The following KCNH8 variants were observed in gnomAD, a reference collection of about 807,000 sequenced individuals.
KCNH8 encodes the protein potassium voltage-gated channel subfamily H member 8.
A neutral mutation model predicts 103.6 loss-of-function variants in KCNH8; 70 were observed. The observed-to-expected ratio is 0.68, with a 90% CI of 0.56 to 0.82. The LOEUF is 0.82. Ranked by LOEUF, KCNH8 falls within the 40% of genes least tolerant of loss-of-function variation. The pLI is 0.00. For missense variants in KCNH8, 1,217 were observed against 1,329.9 expected, an observed-to-expected ratio of 0.92 and a Z score of 1.32; for synonymous variants, 498 against 489.4, an observed-to-expected ratio of 1.02 and a Z score of -0.23.
At chr3:19,302,680 A>G (rs1296911137) in intron 3 of KCNH8, among the ~76,000 whole-genome samples, 1 of 152,170 alleles carries the variant, frequency 6.6e-6, no homozygotes, top group East Asian at 1.9e-4. Flanking sequence ...TTCTCTTCTG[A>G]ATAAACTACA....
intron 11 of KCNH8, among the ~76,000 whole-genome samples, chr3:19,479,135 C>T (rs1334159874): frequency 6.6e-6 from 1 of 152,106 alleles, no homozygotes; most frequent in Non-Finnish European, 1.5e-5. Context: ...CATCCCCTGG[C>T]GCACAGACCT....
intron 7 of KCNH8, among the ~76,000 whole-genome samples, chr3:19,395,772 T>C (rs780950423): frequency 1.7e-4 from 26 of 152,016 alleles, no homozygotes; most frequent in Non-Finnish European, 2.9e-4. Flanking sequence ...AGAGAGAGTG[T>C]GTGAGAGCGA....
chr3:19,381,919 A>G (rs993484761), intron 5 of KCNH8, among the ~76,000 whole-genome samples: 2 of 152,180 alleles, frequency 1.3e-5, no homozygotes, highest in Admixed American at 1.3e-4. Flanking sequence ...AAATTAATCA[A>G]TGAGAACCAG....
intron 5 of KCNH8, among the ~76,000 whole-genome samples, chr3:19,381,218 G>A (rs931016346): frequency 2.6e-5 from 4 of 152,026 alleles, no homozygotes; most frequent in South Asian, 2.1e-4. Context: ...AAAATACAGA[G>A]ATCATAAATG....
At chr3:19,209,871 C>T (rs76125466) in intron 1 of KCNH8, among the ~76,000 whole-genome samples, 6,190 of 152,060 alleles carry the variant, frequency 0.041, 445 homozygotes, top group African/African-American at 0.14. Context: ...GTTATCCTTC[C>T]TCAGTGTAAT....
At chr3:19,373,269 A>T (rs2066131742) in intron 5 of KCNH8, among the ~76,000 whole-genome samples, 2 of 152,200 alleles carry the variant, frequency 1.3e-5, no homozygotes, top group Admixed American at 6.5e-5. Context: ...TAAGCTATTG[A>T]TTATTGCCAG....
rs2065749205 is a variant in KCNH8, at chr3:19,347,881, G to A, written c.727G>A (p.Val243Ile). 3.1e-6 allele frequency: 5 copies of A among 1,613,262 alleles called. No homozygotes were observed. Among genetic ancestry groups the A allele is most frequent in the Non-Finnish European group, 3.4e-6 (4 of 1,179,494 alleles). Residue 243 changes from valine to isoleucine, a missense_variant, in exon 5 of 16, where the codon GTT (valine) becomes ATT (isoleucine). Coordinates refer to ENST00000328405, the MANE Select transcript of KCNH8 (RefSeq NM_144633.3). ...TGTTGCTGTGACTGTACCTTACAAC[G>A]TTTGCTTTATTGGCAATGACGACCT... ...FYVAVTVPYN[V>I]CFIGNDDLST...
intron 1 of KCNH8, among the ~76,000 whole-genome samples, chr3:19,210,504 G>A (rs550110303): frequency 6.6e-6 from 1 of 152,150 alleles, no homozygotes; most frequent in African/African-American, 2.4e-5. Context: ...TAAGATGTAA[G>A]AGAATTCATT....
chr3:19,188,955 G>T (rs1041055054), intron 1 of KCNH8, among the ~76,000 whole-genome samples: 10 of 149,324 alleles, frequency 6.7e-5, no homozygotes, highest in African/African-American at 2.2e-4. Context: ...AAGTTTGTTT[G>T]TTTTTTTTTT....
rs9883631 is a variant in KCNH8, at chr3:19,355,904, T to G, written c.811+7939T>G. 9.5e-3 allele frequency among the ~76,000 whole-genome samples: 1,432 copies of G among 151,042 alleles called. 15 individuals are homozygous for G. The highest frequency in any genetic ancestry group is 0.033 in the African/African-American group (1,360 of 41,190). On this transcript the variant is annotated intron_variant, in intron 5 of 15. Transcript: ENST00000328405. Reference sequence around the variant, plus strand: ...TAATAAAATATATATATATATTTACTAAATCAATATGTGTGGTAAAATTTA... The same window carrying G: ...TAATAAAATATATATATATATTTACGAAATCAATATGTGTGGTAAAATTTA...
chr3:19,512,532 G>A (rs2068800137), intron 12 of KCNH8, among the ~76,000 whole-genome samples: 1 of 152,150 alleles, frequency 6.6e-6, no homozygotes, highest in Non-Finnish European at 1.5e-5. Context: ...TAATCTCCAT[G>A]TAAAGTTCCA....
intron 8 of KCNH8, among the ~76,000 whole-genome samples, chr3:19,443,709 CAAT>C (rs1171898105): frequency 6.6e-6 from 1 of 151,758 alleles, no homozygotes; most frequent in Middle Eastern, 3.4e-3. Flanking sequence ...TGAGCGAATT[CAAT>C]AATGTTTATG....
At chr3:19,240,222 T>G (rs1203400899) in intron 1 of KCNH8, among the ~76,000 whole-genome samples, 1 of 152,180 alleles carries the variant, frequency 6.6e-6, no homozygotes, top group Non-Finnish European at 1.5e-5. Flanking sequence ...GGATTCAGTA[T>G]TCAGACTTTA....
chr3:19,301,346 A>G (rs1364306580), intron 3 of KCNH8, among the ~76,000 whole-genome samples: 1 of 148,668 alleles, frequency 6.7e-6, no homozygotes, highest in Non-Finnish European at 1.5e-5. Flanking sequence ...ACAAATATAT[A>G]TAATATATAT....
At chr3:19,196,876 T>C (rs1226291145) in intron 1 of KCNH8, among the ~76,000 whole-genome samples, 1 of 152,058 alleles carries the variant, frequency 6.6e-6, no homozygotes, top group African/African-American at 2.4e-5. Context: ...TTTTACCAAA[T>C]AGGAAATATT....
At chr3:19,248,108 T>C (rs75113807) in intron 1 of KCNH8, among the ~76,000 whole-genome samples, 6,044 of 152,200 alleles carry the variant, frequency 0.04, 424 homozygotes, top group African/African-American at 0.14. Flanking sequence ...TGAAAGGGTA[T>C]AATGAAAAAT....
intron 1 of KCNH8, among the ~76,000 whole-genome samples, chr3:19,214,942 A>T (rs1030287141): frequency 1.3e-5 from 2 of 152,192 alleles, no homozygotes; most frequent in African/African-American, 4.8e-5. Flanking sequence ...TCAGACTAAA[A>T]TATGTGATTA....
chr3:19,255,632 T>G (rs577828566), intron 2 of KCNH8, among the ~76,000 whole-genome samples: 3 of 152,126 alleles, frequency 2.0e-5, no homozygotes, highest in Admixed American at 2.0e-4. Context: ...ATCCTGCACA[T>G]GTATCCTGGA....
At position 19,226,021 on chromosome 3, in the gene KCNH8, T is replaced by C. The variant is rs371953982; in HGVS notation, c.77-27633T>C. On this transcript the variant is annotated intron_variant, in intron 1 of 15. Coordinates refer to ENST00000328405, the MANE Select transcript of KCNH8 (RefSeq NM_144633.3). Reference sequence around the variant, plus strand: ...TGTTAGGAACTGAAAATATGTATTTTGAAGTAATTCTTTTGATATGAAATT... The same window carrying C: ...TGTTAGGAACTGAAAATATGTATTTCGAAGTAATTCTTTTGATATGAAATT... Among the ~76,000 whole-genome samples the C allele has an allele frequency of 8.4e-4, 128 of 152,350 alleles. 1 individual carries two copies. Among genetic ancestry groups the C allele is most frequent in the African/African-American group, 2.9e-3 (121 of 41,582 alleles).
Sources: allele counts gnomAD v4.1 joint callset (sites outside exome capture counted in the v4.1 genomes callset), GRCh38; gene constraint gnomAD v4.1.1; transcripts MANE v1.5; gene names NCBI Gene and HGNC (gene_info 2026-07-23, HGNC 2026-07-21).